The following RPRD1A variants were observed in gnomAD, a reference collection of about 807,000 sequenced individuals.
RPRD1A encodes the protein regulation of nuclear pre-mRNA domain-containing protein 1A.
Under a neutral mutation model 37.8 loss-of-function variants are expected in RPRD1A, and 9 were observed. The ratio of observed to expected loss-of-function variants is 0.24; its 90% confidence interval spans 0.14 to 0.42. RPRD1A has a LOEUF of 0.42. Among genes scored for constraint, RPRD1A ranks in the 10% least tolerant of loss-of-function variants. RPRD1A has a pLI of 1.00. For synonymous variants in RPRD1A, 138 were observed against 139.7 expected, an observed-to-expected ratio of 0.99 and a Z score of 0.08; for missense variants, 255 against 371.0, an observed-to-expected ratio of 0.69 and a Z score of 2.57.
chr18:36,054,143 C>T (rs1048360443), intron 1 of RPRD1A, among the ~76,000 whole-genome samples: 1 of 152,096 alleles, frequency 6.6e-6, no homozygotes, highest in African/African-American at 2.4e-5. Context: ...GTAAAAACAC[C>T]ATATAAAGCA....
chr18:36,007,194 T>C (rs769808627), intron 6 of RPRD1A, among the ~76,000 whole-genome samples: 15 of 152,234 alleles, frequency 9.9e-5, no homozygotes, highest in Non-Finnish European at 2.1e-4. Flanking sequence ...AAGTCCACTT[T>C]ATTACACAAT....
In RPRD1A at chr18:36,043,196, CGG is replaced by C. The variant is rs34464375; in HGVS notation, c.152-9361_152-9360del. On this transcript the variant is annotated intron_variant, in intron 1 of 6. Transcript: ENST00000399022. ...ATCTTTGGGAAAGATCAAGAAGAATCGGGGGGGGGGGAAGAAGGGGAGTTACC... is the reference window on the plus strand; with the variant it reads ...ATCTTTGGGAAAGATCAAGAAGAATCGGGGGGGGGAAGAAGGGGAGTTACC... Among the ~76,000 whole-genome samples the C allele has an allele frequency of 2.1e-3, 138 of 65,640 alleles. 3 individuals are homozygous for C. The highest frequency in any genetic ancestry group is 7.4e-3 in the African/African-American group (127 of 17,254). The allele number at this position is 65,640 out of a possible 152,430, so 43.1% of individuals were successfully genotyped here. A position where few individuals can be genotyped will look rare whatever the true frequency, so the allele number is the denominator to read the frequency against.
chr18:36,015,901 T>C (rs1036487613), intron 6 of RPRD1A, among the ~76,000 whole-genome samples: 2 of 152,188 alleles, frequency 1.3e-5, no homozygotes, highest in Non-Finnish European at 2.9e-5. Flanking sequence ...CATGTGAATA[T>C]AGTTAACACT....
intron 1 of RPRD1A, among the ~76,000 whole-genome samples, chr18:36,046,438 A>G (rs1349407449): frequency 6.6e-6 from 1 of 152,124 alleles, no homozygotes; most frequent in Non-Finnish European, 1.5e-5. Flanking sequence ...GTGGAGACCT[A>G]CTGGAAAGCC....
chr18:36,024,090 T>C (rs1911192369), intron 6 of RPRD1A, among the ~76,000 whole-genome samples: 1 of 152,154 alleles, frequency 6.6e-6, no homozygotes, highest in African/African-American at 2.4e-5. Flanking sequence ...TCCCTAAATA[T>C]TATAAATGTA....
At chr18:36,027,345 T>A in intron 4 of RPRD1A, 35 bp from the exon 5 acceptor site, 1 of 1,611,110 alleles carries the variant, frequency 6.2e-7, no homozygotes. Flanking sequence ...CAAAATAAAT[T>A]GAGCTTAAAC....
chr18:36,004,399 C>T (rs1393317498), intron 6 of RPRD1A, among the ~76,000 whole-genome samples: 9 of 151,968 alleles, frequency 5.9e-5, no homozygotes, highest in East Asian at 1.9e-4. Context: ...GGACTACAGG[C>T]GCACACCACC....
At chr18:36,015,127 C>CACAT (rs1161059177) in intron 6 of RPRD1A, among the ~76,000 whole-genome samples, 1 of 125,260 alleles carries the variant, frequency 8.0e-6, no homozygotes, top group South Asian at 2.6e-4. Flanking sequence ...AGTAGGGTCT[C>CACAT]ACATACACAC....
Position 36,027,319 on chromosome 18 carries a change from T to C in RPRD1A, c.487-9A>G, listed in dbSNP as rs2094457755. On this transcript the variant is annotated splice_polypyrimidine_tract_variant and intron_variant, in intron 4 of 6. Transcript: ENST00000399022. ...CTAACGAGATCTAGAGTCTAAAAAGTACACAACTTCAGAACCAAAATAAAT... is the reference window on the plus strand; with the variant it reads ...CTAACGAGATCTAGAGTCTAAAAAGCACACAACTTCAGAACCAAAATAAAT... 1 of 1,612,918 alleles carries C rather than the reference T, an allele frequency of 6.2e-7. No homozygotes were observed. The highest frequency in any genetic ancestry group is 8.5e-7 in the Non-Finnish European group (1 of 1,179,532).
At chr18:36,009,186 C>G (rs1255786033) in intron 6 of RPRD1A, among the ~76,000 whole-genome samples, 1 of 152,076 alleles carries the variant, frequency 6.6e-6, no homozygotes, top group East Asian at 1.9e-4. Flanking sequence ...TATGAATAAC[C>G]TACTTGGGCC....
intron 1 of RPRD1A, among the ~76,000 whole-genome samples, chr18:36,043,595 C>T (rs555726058): frequency 6.6e-6 from 1 of 152,176 alleles, no homozygotes; most frequent in Non-Finnish European, 1.5e-5. Context: ...ATAAAATACA[C>T]TGTCAACTGG....
At chr18:36,042,387 T>C (rs2144341886) in intron 1 of RPRD1A, among the ~76,000 whole-genome samples, 1 of 152,352 alleles carries the variant, frequency 6.6e-6, no homozygotes, top group South Asian at 2.1e-4. Context: ...AGCTCCTAAT[T>C]TGATCAACAT....
At chr18:36,033,549 T>TA (rs1229382795) in intron 2 of RPRD1A, among the ~76,000 whole-genome samples, 159 bp downstream of exon 2, 5 of 152,166 alleles carry the variant, frequency 3.3e-5, no homozygotes, top group African/African-American at 1.2e-4. Flanking sequence ...AGGCATTTAA[T>TA]ACATTTATAA....
intron 1 of RPRD1A, among the ~76,000 whole-genome samples, chr18:36,057,909 A>G (rs1431161432): frequency 1.3e-5 from 2 of 152,226 alleles, no homozygotes; most frequent in Non-Finnish European, 2.9e-5. Context: ...CTAGTTTGGC[A>G]AAGTCCATTT....
At chr18:36,004,762 G>A (rs1909634847) in intron 6 of RPRD1A, among the ~76,000 whole-genome samples, 1 of 152,128 alleles carries the variant, frequency 6.6e-6, no homozygotes, top group Non-Finnish European at 1.5e-5. Context: ...AATTAGCTGG[G>A]CGCGGTGGCA....
At position 36,032,264 on chromosome 18, in the gene RPRD1A, T is replaced by C. The variant is rs558750591; in HGVS notation, c.282-1167A>G. 2.6e-5 allele frequency among the ~76,000 whole-genome samples: 4 copies of C among 152,360 alleles called. No homozygotes were observed. The South Asian group carries it at 8.3e-4, about 32-fold the overall frequency. On this transcript the variant is annotated intron_variant, in intron 2 of 6. Transcript: ENST00000399022. ...TAGGCTCCAGTAGAACAAAACTGTC[T>C]TGGTCACTACTACTCAGGGTTTTGC...
chr18:36,027,194 A>C lies in RPRD1A; in HGVS notation c.603T>G (p.Asp201Glu), dbSNP rs1334338184. The stretch of plus-strand genomic sequence containing the variant: ...ATTTTCTTTTCTTACCTGTTATTTT[A>C]TCTAATAGAGATACTTCTTGGACTT... ...PVEVQEVSLL[D>E]KITDKESGER... Residue 201 changes from aspartate (D) to glutamate (E), a missense_variant, in exon 5 of 7, where the codon GAT becomes GAG. Around this residue, in one of 2 missense-constraint regions of RPRD1A, gnomAD observed 211 missense variants for 268.9 expected, o/e 0.78. Coordinates refer to ENST00000399022, the MANE Select transcript of RPRD1A (RefSeq NM_018170.5). 3.7e-6 allele frequency: 6 copies of C among 1,613,746 alleles called. No individual in the cohort carries two copies. The highest frequency in any genetic ancestry group is 1.3e-5 in the African/African-American group (1 of 74,920).
Position 35,993,476 on chromosome 18 carries a change from CTATTAT to C in RPRD1A, c.790-182_790-177del, listed in dbSNP as rs1483364075. Among the ~76,000 whole-genome samples, 15 of 152,278 alleles carry C rather than the reference CTATTAT, an allele frequency of 9.9e-5. No homozygotes were observed. In the South Asian group the frequency reaches 1.9e-3, roughly 19 times the overall value. On this transcript the variant is annotated intron_variant, in intron 6 of 6. Transcript: ENST00000399022. ...GCTTTGGAAATATATAACTAGTAAA[CTATTAT>C]TATTAAGAAAAACCACAATCTTTAG...
intron 1 of RPRD1A, among the ~76,000 whole-genome samples, chr18:36,058,841 C>T (rs1913973024): frequency 6.6e-6 from 1 of 152,086 alleles, no homozygotes; most frequent in African/African-American, 2.4e-5. Flanking sequence ...CTCTCACAAG[C>T]GTACAGTGTT....
Sources: allele counts gnomAD v4.1 joint callset (sites outside exome capture counted in the v4.1 genomes callset), GRCh38; gene constraint gnomAD v4.1.1; regional missense constraint gnomAD v4.1.1; transcripts MANE v1.5; gene names NCBI Gene and HGNC (gene_info 2026-07-23, HGNC 2026-07-21).